The following CLVS1 variants were observed in gnomAD, a reference collection of about 807,000 sequenced individuals.
The protein encoded by CLVS1 is clavesin-1.
In CLVS1, 10 loss-of-function variants were observed where a neutral mutation model predicts 33.1. That is an observed-to-expected ratio of 0.30 (90% CI 0.19 to 0.51). The LOEUF (loss-of-function observed/expected upper bound fraction) is 0.51, where lower values mean the gene tolerates loss of function less well. Ranked by LOEUF, CLVS1 falls within the 20% of genes least tolerant of loss-of-function variation. The pLI is 0.97. For synonymous variants in CLVS1, 163 were observed against 166.1 expected (o/e 0.98, Z 0.14); for missense variants, 343 against 433.4 (o/e 0.79, Z 1.85).
At chr8:61,430,678 T>TCC (rs1262281210) in intron 3 of CLVS1, among the ~76,000 whole-genome samples, 1 of 152,146 alleles carries the variant, frequency 6.6e-6, no homozygotes, top group Admixed American at 6.5e-5. Flanking sequence ...TACTGCCAGG[T>TCC]CCTGCTCTCA....
At chr8:61,140,187 C>T (rs1424180180) in intron 2 of CLVS1, among the ~76,000 whole-genome samples, 1 of 152,180 alleles carries the variant, frequency 6.6e-6, no homozygotes, top group Non-Finnish European at 1.5e-5. Context: ...ATGATTTTAT[C>T]CTTGGGCGAA....
chr8:61,124,556 C>T (rs1334885812), intron 1 of CLVS1, among the ~76,000 whole-genome samples: 2 of 152,192 alleles, frequency 1.3e-5, no homozygotes, highest in Non-Finnish European at 2.9e-5. Flanking sequence ...TGACTATTTA[C>T]TAAACCACAA....
chr8:61,097,177 T>C (rs1805366475), intron 1 of CLVS1, among the ~76,000 whole-genome samples: 1 of 148,132 alleles, frequency 6.8e-6, no homozygotes, highest in South Asian at 2.3e-4. Flanking sequence ...CTGGGCAACA[T>C]AGGGAGATCC....
intron 1 of CLVS1, among the ~76,000 whole-genome samples, chr8:61,059,688 C>G (rs891363793): frequency 2.0e-5 from 3 of 150,862 alleles, no homozygotes; most frequent in Non-Finnish European, 4.4e-5. Context: ...ACGTGTGCCT[C>G]TGATCCCAGC....
At chr8:61,114,035 C>T (rs1217242080) in intron 1 of CLVS1, among the ~76,000 whole-genome samples, 3 of 152,230 alleles carry the variant, frequency 2.0e-5, no homozygotes, top group Non-Finnish European at 4.4e-5. Context: ...TCAACTCTGT[C>T]CTTGTCTTGC....
intron 2 of CLVS1, among the ~76,000 whole-genome samples, chr8:61,347,328 T>C (rs1162601212): frequency 1.3e-5 from 2 of 152,014 alleles, no homozygotes; most frequent in African/African-American, 4.8e-5. Context: ...GAGATGAAGA[T>C]GACTGAATTA....
chr8:61,448,488 A>G (rs1178969123), intron 3 of CLVS1, among the ~76,000 whole-genome samples: 1 of 151,714 alleles, frequency 6.6e-6, no homozygotes, highest in East Asian at 1.9e-4. Context: ...TCTATCTTTC[A>G]GTTCACTGAT....
At chr8:61,397,726 A>T (rs1441650821) in intron 3 of CLVS1, among the ~76,000 whole-genome samples, 3 of 152,276 alleles carry the variant, frequency 2.0e-5, no homozygotes, top group Admixed American at 6.5e-5. Flanking sequence ...GCAGGAAGAT[A>T]TCCACTTCTC....
chr8:61,014,739 T>G, the CLVS1 span, among the ~76,000 whole-genome samples: 11 of 152,118 alleles, frequency 7.2e-5, no homozygotes, highest in Non-Finnish European at 1.6e-4. Flanking sequence ...CACAGTGGAG[T>G]AAATGAGGTA....
chr8:60,998,264 G>A, the CLVS1 span, among the ~76,000 whole-genome samples: 1 of 152,148 alleles, frequency 6.6e-6, no homozygotes, highest in Non-Finnish European at 1.5e-5. Context: ...CTGGAGGGCT[G>A]GCTGGCAAGT....
chr8:61,270,510 A>G (rs533506556), intron 2 of CLVS1, among the ~76,000 whole-genome samples: 1 of 152,336 alleles, frequency 6.6e-6, no homozygotes, highest in South Asian at 2.1e-4. Context: ...CTTTGGTATC[A>G]GAATGCTGCT....
intron 2 of CLVS1, among the ~76,000 whole-genome samples, chr8:61,143,783 AT>A (rs34592186): frequency 0.14 from 11,971 of 86,486 alleles, 732 homozygotes; most frequent in East Asian, 0.44. Context: ...ATATGTACAT[AT>A]TATATATACA....
intron 3 of CLVS1, among the ~76,000 whole-genome samples, chr8:61,448,801 C>T (rs1239374421): frequency 6.6e-6 from 1 of 151,716 alleles, no homozygotes; most frequent in African/African-American, 2.4e-5. Flanking sequence ...ACTTTTTCAT[C>T]TGCATCATAC....
intron 5 of CLVS1, among the ~76,000 whole-genome samples, chr8:61,497,786 T>C (rs1315215005): frequency 6.6e-6 from 1 of 152,212 alleles, no homozygotes; most frequent in African/African-American, 2.4e-5. Context: ...TGAGGGCTGC[T>C]GGTTGCCCAT....
chr8:61,020,879 A>G, the CLVS1 span, among the ~76,000 whole-genome samples: 19 of 152,200 alleles, frequency 1.2e-4, no homozygotes, highest in African/African-American at 4.6e-4. Context: ...CCAGAGCCAC[A>G]CTCTAGGATA....
chr8:61,292,183 G>T, intron 1 of CLVS1: 1 of 315,190 alleles, frequency 3.2e-6, no homozygotes, highest in South Asian at 2.8e-5. Context: ...ATTCTAAAAT[G>T]AAACAAAAAC....
chr8:61,444,471 A>G (rs758458939), intron 3 of CLVS1, among the ~76,000 whole-genome samples: 2 of 152,366 alleles, frequency 1.3e-5, no homozygotes, highest in Non-Finnish European at 2.9e-5. Context: ...CTTTTTATGT[A>G]TCAGTAGATA....
At chr8:61,407,565 G>A (rs16927291) in intron 3 of CLVS1, among the ~76,000 whole-genome samples, 101,303 of 152,052 alleles carry the variant, frequency 0.67, 34,702 homozygotes, top group Non-Finnish European at 0.75. Context: ...GGGTGACAAC[G>A]AATTTTGTGC....
At position 61,480,366 on chromosome 8, in the gene CLVS1, G is replaced by A. The variant is rs150264713; in HGVS notation, c.978-19089G>A. 4.0e-3 allele frequency among the ~76,000 whole-genome samples: 604 copies of A among 152,308 alleles called. 4 individuals carry two copies. The highest frequency in any genetic ancestry group is 0.013 in the African/African-American group (547 of 41,576). ...TAGCAATGAGCAAGGCTCCGTGGGCGTAGGATGCTCCGAGCCAGGTGCAGG... is the reference window on the plus strand; with the variant it reads ...TAGCAATGAGCAAGGCTCCGTGGGCATAGGATGCTCCGAGCCAGGTGCAGG... On this transcript the variant is annotated intron_variant, in intron 5 of 5. Transcript: ENST00000325897.
Sources: allele counts gnomAD v4.1 joint callset (sites outside exome capture counted in the v4.1 genomes callset), GRCh38; gene constraint gnomAD v4.1.1; transcripts MANE v1.5; gene names NCBI Gene and HGNC (gene_info 2026-07-23, HGNC 2026-07-21).